Variants in DMD observed in about 807,000 individuals in gnomAD.
DMD encodes dystrophin.
A neutral mutation model predicts 330.1 loss-of-function variants in DMD; 63 were observed. The ratio of observed to expected loss-of-function variants is 0.19; its 90% CI spans 0.16 to 0.24. The LOEUF (loss-of-function observed/expected upper bound fraction) is 0.24. Ranked by LOEUF, DMD falls within the 10% of genes least tolerant of loss-of-function variation. The pLI is 1.00. For missense variants in DMD, 3,344 were observed against 2,684.1 expected (o/e 1.25, Z -5.43); for synonymous variants, 1,223 against 959.8 (o/e 1.27, Z -5.07).
chrX:32,079,971 A>G (rs1283340068), intron 44 of DMD, among the ~76,000 whole-genome samples: 1 of 112,402 alleles, frequency 8.9e-6, no homozygotes, highest in African/African-American at 3.2e-5. Context: ...TTTAAGGATT[A>G]AAAAATTTCC....
intron 60 of DMD, among the ~76,000 whole-genome samples, chrX:31,396,563 T>G (rs1354449619): frequency 1.0e-5 from 1 of 98,418 alleles, no homozygotes; most frequent in African/African-American, 4.1e-5. Context: ...TTTTTTTTTT[T>G]TTTTTTTTTT....
At chrX:31,716,850 CACACACATAT>C (rs1381869803) in intron 52 of DMD, among the ~76,000 whole-genome samples, 126 of 98,101 alleles carry the variant, frequency 1.3e-3, no homozygotes, top group African/African-American at 4.6e-3. Context: ...CACACACACA[CACACACATAT>C]ATATATATAT....
rs778281119 is a variant in DMD at position 31,646,001 on chromosome X, C to A, written c.8027+11989G>T. ...CATTTGGAAAAAGAAAACTCCCACT[C>A]TAGATGATGAGTATGTGAAGATCAG... is the stretch of plus-strand genomic sequence containing the variant. On this transcript the variant is annotated intron_variant, in intron 54 of 78. Coordinates refer to ENST00000357033, the MANE Select transcript of DMD (RefSeq NM_004006.3). 2.7e-5 allele frequency among the ~76,000 whole-genome samples: 3 copies of A among 111,912 alleles called. No homozygotes were observed. The Admixed American group carries it at 2.8e-4, about 11-fold the overall frequency.
intron 47 of DMD, among the ~76,000 whole-genome samples, chrX:31,908,595 A>G (rs909497795): frequency 9.1e-6 from 1 of 110,054 alleles, no homozygotes; most frequent in South Asian, 4.0e-4. Flanking sequence ...GAGGGATAGC[A>G]TTAGGAGAAA....
At chrX:31,783,019 GGAA>G (rs1569404322) in intron 50 of DMD, among the ~76,000 whole-genome samples, 3 of 111,539 alleles carry the variant, frequency 2.7e-5, no homozygotes. Context: ...AGAAGACAAG[GGAA>G]GAAAAAGCCA....
intron 2 of DMD, among the ~76,000 whole-genome samples, chrX:32,882,368 G>T (rs1229589302): frequency 2.7e-5 from 3 of 111,892 alleles, no homozygotes; most frequent in Non-Finnish European, 5.6e-5. Context: ...AATTCCTCTT[G>T]TTACATTATT....
rs1334291455 is a variant in DMD, at chrX:31,888,988, A to C, written c.6913-13615T>G. Among the ~76,000 whole-genome samples, 4 of 112,277 alleles carry C rather than the reference A, an allele frequency of 3.6e-5. No individual in the cohort carries two copies. The East Asian group carries it at 1.1e-3, about 31-fold the overall frequency. On this transcript the variant is annotated intron_variant, in intron 47 of 78. Coordinates refer to ENST00000357033, the MANE Select transcript of DMD (RefSeq NM_004006.3). ...TTGTTTCCAGTTTTAAGTATCTGAT[A>C]ACAGTGAAGTCCCCTGTGTCAAATC...
At chrX:32,670,048 C>T (rs989320805) in intron 9 of DMD, among the ~76,000 whole-genome samples, 1 of 111,874 alleles carries the variant, frequency 8.9e-6, no homozygotes, top group Non-Finnish European at 1.9e-5. Context: ...TTATAAAAAT[C>T]ATACTTGACT....
intron 7 of DMD, among the ~76,000 whole-genome samples, chrX:32,742,721 G>C (rs2069456086): frequency 8.9e-6 from 1 of 112,050 alleles, no homozygotes; most frequent in Non-Finnish European, 1.9e-5. Flanking sequence ...GTAGGTATAA[G>C]GAAAAAGGCT....
intron 55 of DMD, among the ~76,000 whole-genome samples, chrX:31,576,992 G>C (rs1203101000): frequency 8.9e-6 from 1 of 111,805 alleles, no homozygotes; most frequent in Non-Finnish European, 1.9e-5. Context: ...TGGGATTACA[G>C]GCGTGAGCCA....
intron 74 of DMD, among the ~76,000 whole-genome samples, chrX:31,166,939 TG>T (rs1282268271): frequency 1.8e-5 from 2 of 111,870 alleles, no homozygotes; most frequent in African/African-American, 6.5e-5. Context: ...TTATGTTTTT[TG>T]TTCTTTTAGA....
chrX:31,870,931 G>T (rs2093880437), intron 48 of DMD, among the ~76,000 whole-genome samples: 1 of 111,625 alleles, frequency 9.0e-6, no homozygotes, highest in Admixed American at 9.5e-5. Flanking sequence ...TTAATAAAAA[G>T]TTTGGAAAGC....
intron 17 of DMD, among the ~76,000 whole-genome samples, chrX:32,537,593 A>C (rs2048104799): frequency 9.0e-6 from 1 of 111,562 alleles, no homozygotes; most frequent in Non-Finnish European, 1.9e-5. Flanking sequence ...GCTGGCAATT[A>C]AGGAGCTCTC....
At chrX:32,187,773 T>C (rs1005679152) in intron 44 of DMD, among the ~76,000 whole-genome samples, 2 of 111,301 alleles carry the variant, frequency 1.8e-5, no homozygotes, top group African/African-American at 6.5e-5. Context: ...CAGAATTATT[T>C]TTTTTTTCTT....
intron 59 of DMD, among the ~76,000 whole-genome samples, chrX:31,447,589 A>T (rs1460591851): frequency 8.9e-6 from 1 of 111,897 alleles, no homozygotes; most frequent in Non-Finnish European, 1.9e-5. Flanking sequence ...AAAGAAAAGA[A>T]AAAAGTTATT....
intron 17 of DMD, among the ~76,000 whole-genome samples, chrX:32,521,520 C>T (rs2046420384): frequency 8.9e-6 from 1 of 112,152 alleles, no homozygotes. Context: ...CACCAGAAAA[C>T]ACATCAGTCA....
chrX:33,217,588 A>T (rs2052081092), intron 1 of DMD, among the ~76,000 whole-genome samples: 1 of 111,846 alleles, frequency 8.9e-6, no homozygotes, highest in African/African-American at 3.2e-5. Flanking sequence ...GCTTGTATAC[A>T]AAAATACAAT....
chrX:32,650,978 G>T (rs1017656435), intron 9 of DMD, among the ~76,000 whole-genome samples: 1 of 111,502 alleles, frequency 9.0e-6, no homozygotes, highest in Admixed American at 9.6e-5. Flanking sequence ...AAAATTAGAT[G>T]ACTTGCCAAA....
At chrX:32,842,015 G>A (rs1050000544) in intron 4 of DMD, among the ~76,000 whole-genome samples, 22 of 112,012 alleles carry the variant, frequency 2.0e-4, no homozygotes, top group African/African-American at 7.1e-4. Context: ...AACATGCTTT[G>A]GATTCAGGTA....
Sources: gnomAD v4.1 joint callset for allele counts (sites outside exome capture counted in the v4.1 genomes callset) on GRCh38, gnomAD v4.1.1 for gene constraint, MANE v1.5 for transcripts, NCBI Gene and HGNC (gene_info 2026-07-23, HGNC 2026-07-21) for gene names.